The following ART3 variants were observed in gnomAD, a reference collection of about 807,000 sequenced individuals.
The protein encoded by ART3 is ecto-ADP-ribosyltransferase 3.
ART3 carries 49 observed loss-of-function variants against 48.5 expected under a neutral mutation model. The ratio of observed to expected loss-of-function variants is 1.01; its 90% CI spans 0.80 to 1.28. ART3 has a LOEUF of 1.28. Among genes scored for constraint, ART3 ranks in the 50% most tolerant of loss-of-function variants. The pLI, the probability that ART3 is intolerant of heterozygous loss-of-function variation, is 0.00. For synonymous variants in ART3, 145 were observed against 157.2 expected, an observed-to-expected ratio of 0.92 and a Z score of 0.58; for missense variants, 438 against 454.3, an observed-to-expected ratio of 0.96 and a Z score of 0.33.
intron 3 of ART3, among the ~76,000 whole-genome samples, chr4:76,089,312 C>A (rs141104703): frequency 1.5e-4 from 23 of 152,242 alleles, no homozygotes; most frequent in Middle Eastern, 3.4e-3. Context: ...ATCTCATGTT[C>A]AGTTGTAATC....
chr4:76,034,932 T>A, intron 1 of ART3: 1 of 1,346,234 alleles, frequency 7.4e-7, no homozygotes, highest in East Asian at 2.3e-5. Context: ...CTTAACAGAA[T>A]ATTTCACACA....
At chr4:76,104,231 TG>T in intron 9 of ART3, 1 of 569,538 alleles carries the variant, frequency 1.8e-6, no homozygotes, top group Non-Finnish European at 2.2e-6. Context: ...TCCTGGGATC[TG>T]GATGCATCAG....
intron 3 of ART3, among the ~76,000 whole-genome samples, chr4:76,093,395 A>G (rs1725344075): frequency 6.6e-6 from 1 of 152,074 alleles, no homozygotes; most frequent in South Asian, 2.1e-4. Context: ...GCCACTGTGC[A>G]CTCCAGCCTA....
chr4:76,062,302 C>T (rs1293845650), intron 1 of ART3, among the ~76,000 whole-genome samples: 2 of 152,064 alleles, frequency 1.3e-5, no homozygotes, highest in South Asian at 4.2e-4. Flanking sequence ...GACTTATGTT[C>T]TAATGATTGT....
chr4:76,071,682 C>G (rs1357850293), upstream of ART3, among the ~76,000 whole-genome samples: 1 of 152,198 alleles, frequency 6.6e-6, no homozygotes, highest in East Asian at 1.9e-4. Flanking sequence ...CACATTTGAT[C>G]TTTCCTTTCT....
intron 5 of ART3, chr4:76,099,344 T>C (rs181742418): frequency 1.4e-4 from 34 of 246,234 alleles, no homozygotes; most frequent in Admixed American, 2.0e-4. Context: ...GTTTAATAGC[T>C]CTTTCTTGTT....
chr4:76,108,761 G>A (rs907118920), intron 11 of ART3, among the ~76,000 whole-genome samples: 2 of 152,188 alleles, frequency 1.3e-5, no homozygotes, highest in Non-Finnish European at 2.9e-5. Context: ...GGTATACCCT[G>A]CTACACATGT....
chr4:76,037,684 C>G (rs1426291879), intron 1 of ART3, among the ~76,000 whole-genome samples: 3 of 152,028 alleles, frequency 2.0e-5, no homozygotes, highest in Non-Finnish European at 4.4e-5. Flanking sequence ...GATATTAATT[C>G]TTAAAATTCT....
At chr4:76,112,218 C>A (rs538209902) in intron 11 of ART3, among the ~76,000 whole-genome samples, 168 bp from the exon 12 acceptor site, 1 of 152,302 alleles carries the variant, frequency 6.6e-6, no homozygotes, top group African/African-American at 2.4e-5. Context: ...AGCCTGAAAT[C>A]TGTAATGAAT....
chr4:76,089,587 T>C (rs1173756273), intron 3 of ART3, among the ~76,000 whole-genome samples: 1 of 152,198 alleles, frequency 6.6e-6, no homozygotes, highest in Non-Finnish European at 1.5e-5. Flanking sequence ...TGCCGAATCA[T>C]GAGCCAATCA....
chr4:76,066,827 G>A (rs969399143), intron 1 of ART3, among the ~76,000 whole-genome samples: 1 of 152,098 alleles, frequency 6.6e-6, no homozygotes, highest in Non-Finnish European at 1.5e-5. Context: ...TACTCATGAC[G>A]CCCAGGCTCA....
upstream of ART3, among the ~76,000 whole-genome samples, chr4:76,073,392 T>A (rs1354216885): frequency 6.6e-6 from 1 of 152,168 alleles, no homozygotes; most frequent in East Asian, 1.9e-4. Context: ...TCCTGCTTTT[T>A]AAAAAATCAT....
intron 1 of ART3, among the ~76,000 whole-genome samples, chr4:76,020,873 A>T (rs538761296): frequency 4.6e-5 from 7 of 152,268 alleles, no homozygotes; most frequent in African/African-American, 1.7e-4. Flanking sequence ...AAGAGATTAA[A>T]AAAAAAAGAA....
At chr4:76,016,422 A>G (rs577218844) in intron 1 of ART3, among the ~76,000 whole-genome samples, 1 of 152,230 alleles carries the variant, frequency 6.6e-6, no homozygotes, top group African/African-American at 2.4e-5. Flanking sequence ...TAAACAAATG[A>G]AGTCTCTCTC....
At chr4:76,028,068 C>A (rs1369275441) in intron 1 of ART3, among the ~76,000 whole-genome samples, 1 of 152,082 alleles carries the variant, frequency 6.6e-6, no homozygotes, top group Non-Finnish European at 1.5e-5. Flanking sequence ...CAGAACAGTA[C>A]CTGGTGAGCA....
In ART3 at chr4:76,098,985, C is replaced by T. The variant is rs766350454; in HGVS notation, c.845C>T (p.Pro282Leu). Residue 282 changes from proline to leucine, a missense_variant and splice_region_variant, in exon 5 of 12, where the codon CCT becomes CTT. Pro to Leu is a moderately conservative substitution (Grantham distance 98). This residue lies in a region of ART3 where 227 missense variants were observed against 229.6 expected (regional missense o/e 0.99). Transcript: ENST00000355810. ...TTTCAACCCATCTATGTCTACAACC[C>T]TGGTGAGTATGTTCTAATTTTTAAA... Reference protein sequence around the residue: ...EYFQPIYVYNPGEKNQKLEDH... With the variant: ...EYFQPIYVYNLGEKNQKLEDH... 1.9e-6 allele frequency: 3 copies of T among 1,608,414 alleles called. No individual in the cohort carries two copies. The highest frequency in any genetic ancestry group is 2.6e-6 in the Non-Finnish European group (3 of 1,175,104).
At chr4:76,057,814 T>G (rs2149472879) in intron 1 of ART3, among the ~76,000 whole-genome samples, 1 of 152,362 alleles carries the variant, frequency 6.6e-6, no homozygotes, top group Non-Finnish European at 1.5e-5. Flanking sequence ...GCGCATAGTT[T>G]AAAAAGATTC....
chr4:76,106,435 C>T, intron 10 of ART3: 3 of 915,866 alleles, frequency 3.3e-6, no homozygotes, highest in Non-Finnish European at 3.9e-6. Context: ...GAGGCGCCTT[C>T]TGGCCGAGTT....
At chr4:76,071,197 A>G (rs1720275499), upstream of ART3, among the ~76,000 whole-genome samples, 3 of 151,988 alleles carry the variant, frequency 2.0e-5, no homozygotes, top group African/African-American at 7.2e-5. Context: ...TAAAAATACA[A>G]AAATTAGCCA....
Sources: allele counts gnomAD v4.1 joint callset (sites outside exome capture counted in the v4.1 genomes callset), GRCh38; gene constraint gnomAD v4.1.1; regional missense constraint gnomAD v4.1.1; transcripts MANE v1.5; gene names NCBI Gene and HGNC (gene_info 2026-07-23, HGNC 2026-07-21).